The following TMEM33 variants were observed in gnomAD, a reference collection of about 807,000 sequenced individuals.
TMEM33 encodes the protein transmembrane protein 33.
In TMEM33, 16 loss-of-function variants were observed where a neutral mutation model predicts 29.7. That is an observed-to-expected ratio of 0.54 (90% CI 0.36 to 0.82). The LOEUF (loss-of-function observed/expected upper bound fraction) is 0.82. Among genes scored for constraint, TMEM33 ranks in the 40% least tolerant of loss-of-function variants. The probability of loss-of-function intolerance (pLI) is 0.00; values close to 1 mark genes in which losing one functional copy is unlikely to be tolerated. For synonymous variants in TMEM33, 112 were observed against 109.4 expected (o/e 1.02, Z -0.15); for missense variants, 252 against 295.3 (o/e 0.85, Z 1.08).
At chr4:41,941,560 T>C (rs1469302522) in intron 3 of TMEM33, among the ~76,000 whole-genome samples, 1 of 152,202 alleles carries the variant, frequency 6.6e-6, no homozygotes, top group Non-Finnish European at 1.5e-5. Flanking sequence ...ATGAGACTCA[T>C]GACTGGTGAA....
At position 41,956,369 on chromosome 4, in the gene TMEM33, A is replaced by G. The variant is rs1713267607; in HGVS notation, c.*2170A>G. ...TTAACGTTTTACATAACTGTAGAAC[A>G]TTTATCTAAAGTAAGATATTAGCCC... is the stretch of plus-strand genomic sequence containing the variant. On this transcript the variant is annotated 3_prime_UTR_variant, in exon 7 of 7. Coordinates refer to ENST00000504986, the MANE Select transcript of TMEM33 (RefSeq NM_018126.3). 6.6e-6 allele frequency: 1 copy of G among 152,196 alleles called. No individual in the cohort carries two copies. Among genetic ancestry groups the G allele is most frequent in the African/African-American group, 2.4e-5 (1 of 41,446 alleles). 9.4% of individuals were successfully genotyped at this position (152,196 alleles called of 1,614,324 possible).
intron 5 of TMEM33, among the ~76,000 whole-genome samples, chr4:41,948,297 G>T (rs1293104108): frequency 1.3e-5 from 2 of 152,102 alleles, no homozygotes; most frequent in Non-Finnish European, 1.5e-5. Flanking sequence ...GTTTGAGGAA[G>T]GGGCTAACTT....
rs1282202194 is a variant in TMEM33 at position 41,960,738 on chromosome 4, G to A, written c.*6539G>A. ...GATTTTGAGGTCTGATGTGAAACTG[G>A]TAAAAATGTGATCTAAGGTGTAACT... is the stretch of plus-strand genomic sequence containing the variant. On this transcript the variant is annotated 3_prime_UTR_variant, in exon 7 of 7. Coordinates refer to ENST00000504986, the MANE Select transcript of TMEM33 (RefSeq NM_018126.3). Among the ~76,000 whole-genome samples the A allele has an allele frequency of 6.6e-6, 1 of 152,008 alleles. No homozygotes were observed. Among genetic ancestry groups the A allele is most frequent in the South Asian group, 2.1e-4 (1 of 4,812 alleles).
rs189712376 is a variant in TMEM33 at position 41,938,710 on chromosome 4, A to C, written c.140+14A>C. On this transcript the variant is annotated intron_variant, in intron 2 of 6. Transcript: ENST00000504986. ...GCCTCTTCTTGGGTATGTATTATACATATTGCTGCCTTTGATATTCAATTG... is the reference window on the plus strand; with the variant it reads ...GCCTCTTCTTGGGTATGTATTATACCTATTGCTGCCTTTGATATTCAATTG... The C allele has an allele frequency of 1.9e-6, 3 of 1,612,194 alleles. No individual in the cohort carries two copies. The highest frequency in any genetic ancestry group is 2.5e-6 in the Non-Finnish European group (3 of 1,178,488).
At chr4:41,943,840 C>G in intron 4 of TMEM33, 26 bp downstream of exon 4, 1 of 1,600,756 alleles carries the variant, frequency 6.2e-7, no homozygotes, top group Non-Finnish European at 8.6e-7. Context: ...CTTTGTCTGA[C>G]TTCTGAATTA....
Position 41,954,408 on chromosome 4 carries a change from A to G in TMEM33, c.*209A>G, listed in dbSNP as rs1713173623. 1 of 441,542 alleles carries G rather than the reference A, an allele frequency of 2.3e-6. No individual in the cohort carries two copies. Among genetic ancestry groups the G allele is most frequent in the Non-Finnish European group, 3.9e-6 (1 of 255,516 alleles). The allele number at this position is 441,542 out of a possible 1,614,324, so 27.4% of individuals were successfully genotyped here. A position where few individuals can be genotyped will look rare whatever the true frequency, so the allele number is the denominator to read the frequency against. ...GAAAATTTTACTGCGCTGTGTTGCTAATGGTTAAAGAAGTCTGTATCTAGT... is the reference window on the plus strand; with the variant it reads ...GAAAATTTTACTGCGCTGTGTTGCTGATGGTTAAAGAAGTCTGTATCTAGT... On this transcript the variant is annotated 3_prime_UTR_variant, in exon 7 of 7. Coordinates refer to ENST00000504986, the MANE Select transcript of TMEM33 (RefSeq NM_018126.3).
At chr4:41,937,874 G>A (rs924942278) in intron 1 of TMEM33, among the ~76,000 whole-genome samples, 1 of 152,092 alleles carries the variant, frequency 6.6e-6, no homozygotes, top group Non-Finnish European at 1.5e-5. Flanking sequence ...GAAGAAAATG[G>A]TATAGGAAAG....
At chr4:41,950,619 C>G (rs546766377) in intron 6 of TMEM33, among the ~76,000 whole-genome samples, 1 of 152,240 alleles carries the variant, frequency 6.6e-6, no homozygotes, top group East Asian at 1.9e-4. Flanking sequence ...ATAATACTTT[C>G]TAAAATAGAA....
In TMEM33 at chr4:41,956,608, T is replaced by C. The variant is rs546132855; in HGVS notation, c.*2409T>C. On this transcript the variant is annotated 3_prime_UTR_variant, in exon 7 of 7. Transcript: ENST00000504986. ...GTCAAGATAATTGGTCAATAATCCA[T>C]GTTGGTTTTAACAAAAAGCATTTTA... The C allele has an allele frequency of 1.3e-5, 2 of 152,174 alleles. No homozygotes were observed. Among genetic ancestry groups the C allele is most frequent in the Non-Finnish European group, 2.9e-5 (2 of 68,016 alleles). The allele number at this position is 152,174 out of a possible 1,614,324, so 9.4% of individuals were successfully genotyped here.
rs146377754 is a variant in TMEM33, at chr4:41,938,447, A to C, written c.46-155A>C. Among the ~76,000 whole-genome samples the C allele has an allele frequency of 6.7e-3, 1,026 of 152,360 alleles. 14 individuals carry two copies. The highest frequency in any genetic ancestry group is 0.024 in the African/African-American group (996 of 41,586). The stretch of plus-strand genomic sequence containing the variant: ...GACTTCTCATTAAGCATATACATGA[A>C]ACATGTAATTGCCTTAGAGTTTTCA... On this transcript the variant is annotated intron_variant, in intron 1 of 6. Coordinates refer to ENST00000504986, the MANE Select transcript of TMEM33 (RefSeq NM_018126.3).
intron 3 of TMEM33, chr4:41,939,665 G>A (rs898786165): frequency 2.5e-5 from 13 of 513,780 alleles, no homozygotes; most frequent in African/African-American, 5.7e-5. Context: ...ACAACCTTAC[G>A]CAGAACTTAC....
chr4:41,946,375 A>C (rs1340111254), intron 5 of TMEM33, among the ~76,000 whole-genome samples: 1 of 152,136 alleles, frequency 6.6e-6, no homozygotes, highest in Non-Finnish European at 1.5e-5. Context: ...ATATTTTATA[A>C]TTTTAAATGT....
At chr4:41,935,670 G>C (rs77918098) in intron 1 of TMEM33, 141 bp downstream of exon 1, 18,102 of 846,528 alleles carry the variant, frequency 0.021, 283 homozygotes, top group African/African-American at 0.057. Context: ...GTTGGAGCGG[G>C]GAGAGGGGAG....
chr4:41,957,474 T>G lies in TMEM33; in HGVS notation c.*3275T>G, dbSNP rs933442961. ...AATGATGAAACCATCAATACTTCCT[T>G]CTTCCTAAAAATCCAGATCAAAACT... On this transcript the variant is annotated 3_prime_UTR_variant, in exon 7 of 7. Coordinates refer to ENST00000504986, the MANE Select transcript of TMEM33 (RefSeq NM_018126.3). The G allele has an allele frequency of 6.6e-6, 1 of 152,230 alleles. No individual in the cohort carries two copies. Among genetic ancestry groups the G allele is most frequent in the Admixed American group, 6.5e-5 (1 of 15,296 alleles). 9.4% of individuals were successfully genotyped at this position (152,230 alleles called of 1,614,324 possible).
rs1713208906 is a variant in TMEM33, at chr4:41,955,146, AAAT to A, written c.*954_*956del. 6.6e-6 allele frequency: 1 copy of A among 152,608 alleles called. No individual in the cohort carries two copies. The allele number at this position is 152,608 out of a possible 1,614,324, so 9.5% of individuals were successfully genotyped here. Reference sequence around the variant, plus strand: ...TCTGACTATATGTGTGTCTATCCTGAAATAATAATGGAGAGTATACTGTAGATT... The same window carrying A: ...TCTGACTATATGTGTGTCTATCCTGAAATAATGGAGAGTATACTGTAGATT... On this transcript the variant is annotated 3_prime_UTR_variant, in exon 7 of 7. Coordinates refer to ENST00000504986, the MANE Select transcript of TMEM33 (RefSeq NM_018126.3).
At chr4:41,945,044 G>A in intron 5 of TMEM33, 118 bp downstream of exon 5, 1 of 1,296,916 alleles carries the variant, frequency 7.7e-7, no homozygotes, top group South Asian at 1.5e-5. Context: ...AGAGCTAAAT[G>A]AATCTTAGCA....
In TMEM33 at chr4:41,959,663, T is replaced by C. The variant is rs1713402225; in HGVS notation, c.*5464T>C. 1 of 152,254 alleles carries C rather than the reference T, an allele frequency of 6.6e-6. No individual in the cohort carries two copies. Among genetic ancestry groups the C allele is most frequent in the East Asian group, 1.9e-4 (1 of 5,202 alleles). The allele number at this position is 152,254 out of a possible 1,614,324, so 9.4% of individuals were successfully genotyped here. On this transcript the variant is annotated 3_prime_UTR_variant, in exon 7 of 7. Coordinates refer to ENST00000504986, the MANE Select transcript of TMEM33 (RefSeq NM_018126.3). ...TCCAAATATTTACTATTTTCTCTTG[T>C]AACTGTTAGAACAGTTCCTTTTGAC...
At chr4:41,946,142 A>G (rs1164636327) in intron 5 of TMEM33, among the ~76,000 whole-genome samples, 2 of 151,238 alleles carry the variant, frequency 1.3e-5, no homozygotes, top group Non-Finnish European at 2.9e-5. Context: ...TATGTTTCCA[A>G]ATTTTCAGTT....
At chr4:41,951,071 T>A (rs1212757944) in intron 6 of TMEM33, among the ~76,000 whole-genome samples, 1 of 146,628 alleles carries the variant, frequency 6.8e-6, no homozygotes, top group Non-Finnish European at 1.5e-5. Flanking sequence ...ACACTTTTTT[T>A]AATTAAAGGT....
Sources: gnomAD v4.1 joint callset for allele counts (sites outside exome capture counted in the v4.1 genomes callset) on GRCh38, gnomAD v4.1.1 for gene constraint, MANE v1.5 for transcripts, NCBI Gene and HGNC (gene_info 2026-07-23, HGNC 2026-07-21) for gene names.